DZANK1: variants seen among roughly 807,000 people sequenced by gnomAD.
DZANK1 encodes double zinc ribbon and ankyrin repeat domains 1, also known as double zinc ribbon and ankyrin repeat-containing protein 1.
A neutral mutation model predicts 94.5 loss-of-function variants in DZANK1; 91 were observed. The ratio of observed to expected loss-of-function variants is 0.96; its 90% confidence interval spans 0.81 to 1.15. The LOEUF (loss-of-function observed/expected upper bound fraction) is 1.15, where lower values mean the gene tolerates loss of function less well. Among genes scored for constraint, DZANK1 ranks in the 50% most tolerant of loss-of-function variants. The probability of loss-of-function intolerance (pLI) is 0.00; values close to 1 mark genes in which losing one functional copy is unlikely to be tolerated. For missense variants in DZANK1, 903 were observed against 916.4 expected (o/e 0.99, Z 0.19); for synonymous variants, 312 against 325.3 (o/e 0.96, Z 0.44).
intron 13 of DZANK1, among the ~76,000 whole-genome samples, chr20:18,404,390 T>C (rs1171439559): frequency 6.6e-6 from 1 of 152,104 alleles, no homozygotes; most frequent in South Asian, 2.1e-4. Flanking sequence ...CAAACCACCA[T>C]CATCCTGTGG....
intron 1 of DZANK1, 30 bp from the exon 2 acceptor site, chr20:18,465,407 T>TGTGCACTTATAGCC (rs1555780961): frequency 2.6e-6 from 2 of 771,056 alleles, no homozygotes; most frequent in Non-Finnish European, 1.7e-6. Context: ...TAAATTCCAA[T>TGTGCACTTATAGCC]GTACACAAAA....
intron 3 of DZANK1, among the ~76,000 whole-genome samples, chr20:18,457,475 T>C (rs1011038248): frequency 1.3e-5 from 2 of 152,040 alleles, no homozygotes; most frequent in Non-Finnish European, 2.9e-5. Flanking sequence ...AGACCCTGTC[T>C]CAAAAAACAA....
At chr20:18,422,829 G>T (rs1480790175) in intron 10 of DZANK1, among the ~76,000 whole-genome samples, 4 of 95,866 alleles carry the variant, frequency 4.2e-5, no homozygotes, top group African/African-American at 7.1e-5. Flanking sequence ...AAATTGATTT[G>T]GCTATTCAGG....
At chr20:18,457,384 C>T (rs963290398) in intron 3 of DZANK1, among the ~76,000 whole-genome samples, 8 of 151,990 alleles carry the variant, frequency 5.3e-5, no homozygotes, top group African/African-American at 1.7e-4. Flanking sequence ...GGCTGAGGCA[C>T]AAGAATTGCT....
intron 9 of DZANK1, among the ~76,000 whole-genome samples, chr20:18,428,313 C>G (rs1027599639): frequency 6.6e-6 from 1 of 151,598 alleles, no homozygotes; most frequent in African/African-American, 2.4e-5. Context: ...CTCAGCCTCC[C>G]GAGTAGCTGG....
intron 8 of DZANK1, among the ~76,000 whole-genome samples, chr20:18,437,389 G>T (rs529579517): frequency 6.6e-6 from 1 of 152,230 alleles, no homozygotes; most frequent in South Asian, 2.1e-4. Context: ...GACCAGCCTG[G>T]CCAATATGGT....
At chr20:18,411,589 A>G (rs988284796) in intron 13 of DZANK1, among the ~76,000 whole-genome samples, 2 of 152,218 alleles carry the variant, frequency 1.3e-5, no homozygotes, top group African/African-American at 4.8e-5. Context: ...TTCAAAAAAA[A>G]AGAAGTGTTT....
At chr20:18,401,697 C>T (rs2056691697) in intron 13 of DZANK1, among the ~76,000 whole-genome samples, 1 of 152,240 alleles carries the variant, frequency 6.6e-6, no homozygotes, top group Admixed American at 6.5e-5. Flanking sequence ...GGGTTGGGTG[C>T]TGGCTCAGGT....
intron 13 of DZANK1, among the ~76,000 whole-genome samples, chr20:18,411,575 C>A (rs1417295508): frequency 1.3e-5 from 2 of 151,888 alleles, no homozygotes; most frequent in Non-Finnish European, 2.9e-5. Flanking sequence ...TTCTTCATAA[C>A]CACTTCAAAA....
At chr20:18,439,892 C>T (rs543043658) in intron 8 of DZANK1, among the ~76,000 whole-genome samples, 89 of 152,036 alleles carry the variant, frequency 5.9e-4, no homozygotes, top group Non-Finnish European at 7.5e-4. Flanking sequence ...TAAACTGTGC[C>T]CCCCAGAATT....
At chr20:18,448,951 T>C (rs776550347) in intron 7 of DZANK1, 33 bp downstream of exon 7, 11 of 1,552,466 alleles carry the variant, frequency 7.1e-6, no homozygotes, top group Non-Finnish European at 9.8e-6. Context: ...CTTTGTAGGA[T>C]TTAAGGCAGA....
intron 6 of DZANK1, 81 bp downstream of exon 6, chr20:18,452,534 G>A (rs1601136790): frequency 6.9e-7 from 1 of 1,442,682 alleles, no homozygotes; most frequent in Non-Finnish European, 9.3e-7. Flanking sequence ...AGTGGGGGAG[G>A]TGCAGTCTTA....
At chr20:18,387,249 G>T (rs2048553660) in intron 19 of DZANK1, among the ~76,000 whole-genome samples, 1 of 152,142 alleles carries the variant, frequency 6.6e-6, no homozygotes, top group African/African-American at 2.4e-5. Flanking sequence ...TTCATTCTAT[G>T]TATTGCATGG....
Position 18,398,365 on chromosome 20 carries a change from A to C in DZANK1, c.1536+158T>G. 3 of 635,264 alleles carry C rather than the reference A, an allele frequency of 4.7e-6. No homozygotes were observed. The South Asian group carries it at 6.2e-5, about 13-fold the overall frequency. 39.4% of individuals were successfully genotyped at this position (635,264 alleles called of 1,614,324 possible). A position where few individuals can be genotyped will look rare whatever the true frequency, so the allele number is the denominator to read the frequency against. ...AATATTCATGTGCAAGTGATTTATTAGAGCAGAGCTCACAAGGCAGAAGAG... is the reference window on the plus strand; with the variant it reads ...AATATTCATGTGCAAGTGATTTATTCGAGCAGAGCTCACAAGGCAGAAGAG... On this transcript the variant is annotated intron_variant, in intron 14 of 20. Coordinates refer to ENST00000262547, the Ensembl canonical transcript of DZANK1.
chr20:18,406,800 G>A (rs117469072), intron 13 of DZANK1, among the ~76,000 whole-genome samples: 8 of 152,310 alleles, frequency 5.3e-5, no homozygotes, highest in African/African-American at 1.2e-4. Flanking sequence ...TCTGCTCTGG[G>A]CCAGAGGGGA....
chr20:18,426,597 T>A (rs545067411), intron 10 of DZANK1, among the ~76,000 whole-genome samples: 16 of 152,336 alleles, frequency 1.1e-4, no homozygotes, highest in African/African-American at 3.4e-4. Flanking sequence ...TTAAAGTGCA[T>A]ATACTCGTAT....
chr20:18,392,388 G>A (rs954307646), intron 17 of DZANK1, among the ~76,000 whole-genome samples: 2 of 152,216 alleles, frequency 1.3e-5, no homozygotes, highest in Admixed American at 1.3e-4. Flanking sequence ...AAAGAACAGA[G>A]TCCCTGCCTC....
At chr20:18,416,208 G>A (rs1007276426) in intron 10 of DZANK1, among the ~76,000 whole-genome samples, 9 of 152,188 alleles carry the variant, frequency 5.9e-5, no homozygotes, top group African/African-American at 1.4e-4. Flanking sequence ...AGAGCCATCT[G>A]ACTCTAAAGC....
At chr20:18,407,799 A>T (rs1280698815) in intron 13 of DZANK1, among the ~76,000 whole-genome samples, 1 of 152,268 alleles carries the variant, frequency 6.6e-6, no homozygotes, top group Admixed American at 6.5e-5. Context: ...TATGCATCAG[A>T]GTCTCTAGAT....
Sources: gnomAD v4.1 joint callset for allele counts (sites outside exome capture counted in the v4.1 genomes callset) on GRCh38, gnomAD v4.1.1 for gene constraint, MANE v1.5 for transcripts, NCBI Gene and HGNC (gene_info 2026-07-23, HGNC 2026-07-21) for gene names.